Variants in PDE11A observed in about 807,000 individuals in gnomAD.
PDE11A encodes the protein phosphodiesterase 11A, also known as dual 3',5'-cyclic-AMP and -GMP phosphodiesterase 11A.
Under a neutral mutation model 100.5 loss-of-function variants are expected in PDE11A, and 100 were observed. That is an observed-to-expected ratio of 1.00 (90% CI 0.85 to 1.18). The LOEUF (loss-of-function observed/expected upper bound fraction) is 1.18. Ranked by LOEUF, PDE11A falls within the 50% of genes most tolerant of loss-of-function variation. The pLI is 0.00. For synonymous variants in PDE11A, 381 were observed against 420.8 expected (o/e 0.91, Z 1.16); for missense variants, 1,141 against 1,152.6 (o/e 0.99, Z 0.15).
At chr2:177,773,751 C>T (rs889104675) in intron 9 of PDE11A, among the ~76,000 whole-genome samples, 3 of 152,132 alleles carry the variant, frequency 2.0e-5, no homozygotes, top group Non-Finnish European at 4.4e-5. Context: ...ACTACCTTTT[C>T]CCAGAAGAGT....
At chr2:177,691,641 T>A (rs2081041964) in intron 15 of PDE11A, among the ~76,000 whole-genome samples, 1 of 152,112 alleles carries the variant, frequency 6.6e-6, no homozygotes, top group African/African-American at 2.4e-5. Flanking sequence ...ATTTACTGAA[T>A]CACTCCAAAC....
intron 19 of PDE11A, among the ~76,000 whole-genome samples, chr2:177,659,575 A>G (rs187404518): frequency 2.4e-4 from 36 of 152,332 alleles, no homozygotes; most frequent in African/African-American, 7.5e-4. Context: ...TAACAAACAA[A>G]AGATTTATAA....
At chr2:177,991,297 C>T (rs562482090) in intron 2 of PDE11A, among the ~76,000 whole-genome samples, 1 of 150,310 alleles carries the variant, frequency 6.7e-6, no homozygotes. Context: ...TGCCACTGTA[C>T]TCCAGCCTGG....
intron 2 of PDE11A, among the ~76,000 whole-genome samples, chr2:177,966,641 T>C (rs2085701812): frequency 6.6e-6 from 1 of 152,218 alleles, no homozygotes; most frequent in Non-Finnish European, 1.5e-5. Context: ...ATTCTGCTTA[T>C]GTGATGAATC....
At chr2:177,867,317 G>A (rs577796112) in intron 5 of PDE11A, among the ~76,000 whole-genome samples, 22 of 152,306 alleles carry the variant, frequency 1.4e-4, no homozygotes, top group Middle Eastern at 6.8e-3. Flanking sequence ...CAAGTGGAGT[G>A]AGTCACATAA....
At chr2:177,706,369 A>C (rs1264231428) in intron 13 of PDE11A, among the ~76,000 whole-genome samples, 1 of 152,334 alleles carries the variant, frequency 6.6e-6, no homozygotes, top group East Asian at 1.9e-4. Context: ...GCACTTTAAG[A>C]GAAGGGATGT....
chr2:178,082,480 A>G (rs1441660789), intron 2 of PDE11A, among the ~76,000 whole-genome samples: 3 of 152,232 alleles, frequency 2.0e-5, no homozygotes, highest in Non-Finnish European at 4.4e-5. Flanking sequence ...CAGGGTGGCC[A>G]TTCTGACATG....
At chr2:177,690,721 G>C (rs1427830324) in intron 15 of PDE11A, among the ~76,000 whole-genome samples, 1 of 137,466 alleles carries the variant, frequency 7.3e-6, no homozygotes, top group Non-Finnish European at 1.6e-5. Context: ...AAGAGAGGTG[G>C]CAAATTTTCA....
At chr2:177,928,321 C>A (rs1362830238) in intron 2 of PDE11A, among the ~76,000 whole-genome samples, 2 of 152,048 alleles carry the variant, frequency 1.3e-5, no homozygotes, top group Non-Finnish European at 2.9e-5. Context: ...CAAAGTGAGA[C>A]CCCATCTCTA....
intron 1 of PDE11A, among the ~76,000 whole-genome samples, chr2:178,037,513 A>G (rs1349740829): frequency 1.3e-5 from 2 of 152,230 alleles, no homozygotes; most frequent in Non-Finnish European, 2.9e-5. Context: ...CAGCAATCCC[A>G]TTACTGGGTA....
chr2:177,877,887 T>C (rs1307900688), intron 4 of PDE11A, among the ~76,000 whole-genome samples: 1 of 152,186 alleles, frequency 6.6e-6, no homozygotes, highest in Non-Finnish European at 1.5e-5. Flanking sequence ...GGTTGACATT[T>C]AGATTTTCCT....
intron 12 of PDE11A, among the ~76,000 whole-genome samples, chr2:177,717,003 A>G (rs555148626): frequency 1.3e-5 from 2 of 152,312 alleles, no homozygotes; most frequent in Non-Finnish European, 2.9e-5. Flanking sequence ...AACTACTGGT[A>G]TCATGGATAC....
chr2:177,867,237 T>G (rs2084045368), intron 5 of PDE11A, among the ~76,000 whole-genome samples: 1 of 152,160 alleles, frequency 6.6e-6, no homozygotes, highest in Admixed American at 6.5e-5. Context: ...GTAACATTCT[T>G]TAAAGTAGGA....
intron 15 of PDE11A, among the ~76,000 whole-genome samples, chr2:177,693,066 G>A (rs1456432277): frequency 6.6e-6 from 1 of 152,130 alleles, no homozygotes; most frequent in African/African-American, 2.4e-5. Flanking sequence ...TGACTTTTAG[G>A]TTGAGTAGTC....
intron 18 of PDE11A, 89 bp downstream of exon 18, chr2:177,669,404 T>A: frequency 1.3e-6 from 1 of 759,994 alleles, no homozygotes; most frequent in Non-Finnish European, 2.4e-6. Flanking sequence ...CCATTTTCAG[T>A]CTTTCCCATT....
chr2:177,882,520 T>C (rs1486541153), intron 4 of PDE11A, among the ~76,000 whole-genome samples: 1 of 152,234 alleles, frequency 6.6e-6, no homozygotes. Flanking sequence ...TTGATTTTAT[T>C]ATACATTTAC....
chr2:177,936,797 T>G (rs2085279983), intron 2 of PDE11A, among the ~76,000 whole-genome samples: 1 of 152,022 alleles, frequency 6.6e-6, no homozygotes, highest in African/African-American at 2.4e-5. Flanking sequence ...TGCCAGCGCC[T>G]GTAACTCCAG....
intron 1 of PDE11A, among the ~76,000 whole-genome samples, chr2:178,064,905 T>C (rs1312027957): frequency 1.3e-5 from 2 of 152,128 alleles, no homozygotes; most frequent in Non-Finnish European, 2.9e-5. Context: ...CTTTAAGCTA[T>C]ATTTTATGAT....
At position 177,632,514 on chromosome 2, in the gene PDE11A, T is replaced by A. The variant is rs184149739; in HGVS notation, c.2647-2952A>T. Among the ~76,000 whole-genome samples the A allele has an allele frequency of 3.5e-3, 540 of 152,320 alleles. 1 individual carries two copies. Among genetic ancestry groups the A allele is most frequent in the Non-Finnish European group, 5.0e-3 (342 of 68,022 alleles). On this transcript the variant is annotated intron_variant, in intron 19 of 19. Transcript: ENST00000286063. ...TTCTGACATTGTTCTTTGAATGTAA[T>A]CTTATGTCACTTGAGGCCTCCCCAA...
Sources: gnomAD v4.1 joint callset for allele counts (sites outside exome capture counted in the v4.1 genomes callset) on GRCh38, gnomAD v4.1.1 for gene constraint, MANE v1.5 for transcripts, NCBI Gene and HGNC (gene_info 2026-07-23, HGNC 2026-07-21) for gene names.